The following PTPRD variants were observed in gnomAD, a reference collection of about 807,000 sequenced individuals.
The protein encoded by PTPRD is receptor-type tyrosine-protein phosphatase delta.
A neutral mutation model predicts 214.5 loss-of-function variants in PTPRD; 34 were observed. The ratio of observed to expected loss-of-function variants is 0.16; its 90% CI spans 0.12 to 0.21. The LOEUF is 0.21. Among genes scored for constraint, PTPRD ranks in the 10% least tolerant of loss-of-function variants. PTPRD has a pLI of 1.00. For missense variants in PTPRD, 2,545 were observed against 2,398.7 expected, an observed-to-expected ratio of 1.06 and a Z score of -1.27; for synonymous variants, 1,128 against 845.7, an observed-to-expected ratio of 1.33 and a Z score of -5.79.
chr9:9,979,180 T>C (rs1005675119), intron 4 of PTPRD, among the ~76,000 whole-genome samples: 6 of 152,070 alleles, frequency 3.9e-5, no homozygotes, highest in African/African-American at 7.2e-5. Flanking sequence ...TAAACTTAGA[T>C]TTATACAAAG....
chr9:8,751,213 T>C (rs983066174), intron 11 of PTPRD, among the ~76,000 whole-genome samples: 13 of 152,086 alleles, frequency 8.5e-5, no homozygotes, highest in African/African-American at 2.9e-4. Context: ...TTCTCTTCCA[T>C]AGAGCAGTTT....
At chr9:8,351,387 T>G (rs2075398092) in intron 39 of PTPRD, among the ~76,000 whole-genome samples, 1 of 151,312 alleles carries the variant, frequency 6.6e-6, no homozygotes. Flanking sequence ...TTCACTTTAG[T>G]TGAAGTATTT....
chr9:10,611,019 A>T (rs1214577175), intron 2 of PTPRD, among the ~76,000 whole-genome samples: 1 of 152,188 alleles, frequency 6.6e-6, no homozygotes, highest in Non-Finnish European at 1.5e-5. Flanking sequence ...CAACAATTAA[A>T]TACAAGGAAG....
intron 11 of PTPRD, among the ~76,000 whole-genome samples, chr9:8,949,540 T>A (rs1293583877): frequency 1.3e-5 from 2 of 152,074 alleles, no homozygotes; most frequent in Non-Finnish European, 2.9e-5. Flanking sequence ...ACTCGCTAAC[T>A]TTTGAAGTCA....
chr9:9,115,605 C>G (rs995590150), intron 10 of PTPRD, among the ~76,000 whole-genome samples: 2 of 152,112 alleles, frequency 1.3e-5, no homozygotes, highest in Admixed American at 6.6e-5. Context: ...ATCTATCATT[C>G]AATCTAGCAA....
chr9:9,020,781 G>A (rs901721143), intron 10 of PTPRD, among the ~76,000 whole-genome samples: 2 of 152,148 alleles, frequency 1.3e-5, no homozygotes, highest in Non-Finnish European at 2.9e-5. Context: ...ATCTAAGAGA[G>A]TGAGTGGCTG....
At chr9:9,250,561 G>C (rs2099975071) in intron 9 of PTPRD, among the ~76,000 whole-genome samples, 2 of 152,064 alleles carry the variant, frequency 1.3e-5, no homozygotes, top group South Asian at 4.1e-4. Context: ...TCAAACAGCA[G>C]GTAAAGGTGA....
chr9:9,998,927 G>A (rs2096242063), intron 4 of PTPRD, among the ~76,000 whole-genome samples: 1 of 152,164 alleles, frequency 6.6e-6, no homozygotes, highest in South Asian at 2.1e-4. Flanking sequence ...GAAATTAACA[G>A]GTTATTATCC....
intron 37 of PTPRD, among the ~76,000 whole-genome samples, chr9:8,379,331 G>A (rs7871244): frequency 0.06 from 9,144 of 152,092 alleles, 890 homozygotes; most frequent in African/African-American, 0.21. Flanking sequence ...CCCTTTGCTG[G>A]TAAGCACCTC....
intron 5 of PTPRD, among the ~76,000 whole-genome samples, chr9:9,863,311 T>C (rs1400575960): frequency 6.6e-6 from 1 of 152,176 alleles, no homozygotes; most frequent in Non-Finnish European, 1.5e-5. Context: ...AAAAATTTGA[T>C]AATTGATAAA....
At chr9:8,791,939 G>A (rs932600885) in intron 11 of PTPRD, among the ~76,000 whole-genome samples, 5 of 152,200 alleles carry the variant, frequency 3.3e-5, no homozygotes, top group South Asian at 2.1e-4. Flanking sequence ...CTTCCCTGAC[G>A]CAGGTCTCAG....
intron 2 of PTPRD, among the ~76,000 whole-genome samples, chr9:10,526,169 G>T (rs932892277): frequency 6.6e-6 from 1 of 151,928 alleles, no homozygotes; most frequent in African/African-American, 2.4e-5. Flanking sequence ...GCCAACTATA[G>T]GTCAATACCA....
intron 39 of PTPRD, among the ~76,000 whole-genome samples, chr9:8,359,599 G>T (rs2077943049): frequency 6.6e-6 from 1 of 152,114 alleles, no homozygotes; most frequent in Non-Finnish European, 1.5e-5. Context: ...CTCCCAAAGT[G>T]CCAGGATTAT....
At chr9:9,583,964 C>CT (rs1382125038) in intron 7 of PTPRD, among the ~76,000 whole-genome samples, 21 of 152,154 alleles carry the variant, frequency 1.4e-4, no homozygotes, top group Admixed American at 5.2e-4. Flanking sequence ...CCTTACCATA[C>CT]TTTTTTGCCA....
intron 12 of PTPRD, among the ~76,000 whole-genome samples, chr9:8,718,306 T>C (rs140339299): frequency 1.3e-5 from 2 of 152,238 alleles, no homozygotes; most frequent in East Asian, 3.9e-4. Context: ...AACTACAAGC[T>C]CTCTAGAGAA....
chr9:9,256,355 T>C (rs1463351479), intron 9 of PTPRD, among the ~76,000 whole-genome samples: 2 of 152,036 alleles, frequency 1.3e-5, no homozygotes, highest in Non-Finnish European at 2.9e-5. Flanking sequence ...TATCTCCACC[T>C]CTTCCTTTTT....
intron 9 of PTPRD, among the ~76,000 whole-genome samples, chr9:9,244,381 A>T (rs1439191749): frequency 6.6e-6 from 1 of 152,150 alleles, no homozygotes; most frequent in Non-Finnish European, 1.5e-5. Flanking sequence ...ACCTGACTTC[A>T]AACTATGCTA....
chr9:9,556,915 C>G (rs1475376068), intron 8 of PTPRD, among the ~76,000 whole-genome samples: 1 of 152,122 alleles, frequency 6.6e-6, no homozygotes, highest in Non-Finnish European at 1.5e-5. Flanking sequence ...ATCTTCAATT[C>G]TACTGTAGAA....
chr9:9,725,991 G>A (rs1287771543), intron 7 of PTPRD, among the ~76,000 whole-genome samples: 1 of 151,988 alleles, frequency 6.6e-6, no homozygotes, highest in Non-Finnish European at 1.5e-5. Context: ...CAGCGTTAGG[G>A]GTAATACAGT....
Sources: gnomAD v4.1 joint callset for allele counts (sites outside exome capture counted in the v4.1 genomes callset) on GRCh38, gnomAD v4.1.1 for gene constraint, MANE v1.5 for transcripts, NCBI Gene and HGNC (gene_info 2026-07-23, HGNC 2026-07-21) for gene names.